The following SMCO2 variants were observed in gnomAD, a reference collection of about 807,000 sequenced individuals.
SMCO2 encodes the protein single-pass membrane protein with coiled-coil domains 2, also known as single-pass membrane and coiled-coil domain-containing protein 2.
Under a neutral mutation model 29.5 loss-of-function variants are expected in SMCO2, and 25 were observed. The ratio of observed to expected loss-of-function variants is 0.85; its 90% confidence interval spans 0.62 to 1.18. The LOEUF (loss-of-function observed/expected upper bound fraction) is 1.18. Ranked by LOEUF, SMCO2 falls within the 50% of genes most tolerant of loss-of-function variation. SMCO2 has a pLI of 0.00. For missense variants in SMCO2, 348 were observed against 344.5 expected (o/e 1.01, Z -0.08); for synonymous variants, 117 against 123.3 (o/e 0.95, Z 0.34).
At chr12:27,434,981 T>C in the SMCO2 span, among the ~76,000 whole-genome samples, 927 of 152,206 alleles carry the variant, frequency 6.1e-3, 4 homozygotes, top group African/African-American at 0.021. Context: ...CCCTGTCCTC[T>C]TGGAGACCTT....
chr12:27,462,982 C>G (rs1307500180), upstream of SMCO2, among the ~76,000 whole-genome samples: 1 of 152,142 alleles, frequency 6.6e-6, no homozygotes, highest in Admixed American at 6.5e-5. Flanking sequence ...GGCCTGGTGG[C>G]TGGCAGGTGG....
chr12:27,470,541 A>G (rs1015677045), intron 1 of SMCO2, 81 bp from the exon 2 acceptor site: 20 of 1,454,442 alleles, frequency 1.4e-5, no homozygotes, highest in Non-Finnish European at 1.8e-5. Context: ...CTGAGGAAGA[A>G]GTTAGTCTGG....
At chr12:27,459,597 G>A in the SMCO2 span, among the ~76,000 whole-genome samples, 3 of 152,112 alleles carry the variant, frequency 2.0e-5, no homozygotes, top group Non-Finnish European at 4.4e-5. Context: ...TAACAAATCT[G>A]CACATGTACC....
At chr12:27,489,426 C>T (rs780775060) in intron 5 of SMCO2, among the ~76,000 whole-genome samples, 14 of 152,054 alleles carry the variant, frequency 9.2e-5, no homozygotes, top group African/African-American at 1.7e-4. Context: ...AGTTAGATTT[C>T]GGAGTCCTGG....
At chr12:27,500,230 T>G (rs1943060731) in intron 7 of SMCO2, among the ~76,000 whole-genome samples, 1 of 150,486 alleles carries the variant, frequency 6.6e-6, no homozygotes, top group East Asian at 1.9e-4. Context: ...TTTTTAAAAC[T>G]TGTATTGACT....
the SMCO2 span, among the ~76,000 whole-genome samples, chr12:27,460,638 G>A: frequency 3.3e-5 from 5 of 152,108 alleles, no homozygotes; most frequent in Non-Finnish European, 7.4e-5. Context: ...CAGAAGAGGT[G>A]GAGGACGTGG....
At chr12:27,433,122 T>A in the SMCO2 span, among the ~76,000 whole-genome samples, 23 of 152,272 alleles carry the variant, frequency 1.5e-4, no homozygotes, top group Admixed American at 1.4e-3. Context: ...AAATGTATAA[T>A]TTTTAAAGGT....
upstream of SMCO2, among the ~76,000 whole-genome samples, chr12:27,465,916 G>A (rs982375582): frequency 2.0e-5 from 3 of 152,220 alleles, no homozygotes; most frequent in African/African-American, 7.2e-5. Flanking sequence ...AGTGTCTTAA[G>A]AGCAGGGGCT....
exon 7 of SMCO2, chr12:27,495,844 C>A (rs61997182): frequency 2.0e-6 from 3 of 1,510,844 alleles, no homozygotes; most frequent in African/African-American, 1.4e-5. Flanking sequence ...CTCCTCCCCG[C>A]AATACAGCAT....
At chr12:27,493,994 A>AG (rs1171457166) in intron 5 of SMCO2, 1 of 176,296 alleles carries the variant, frequency 5.7e-6, no homozygotes, top group African/African-American at 2.4e-5. Flanking sequence ...TCCTGGTAGA[A>AG]GTTTTTTAAG....
At chr12:27,468,728 G>A (rs904630511) in intron 1 of SMCO2, among the ~76,000 whole-genome samples, 1 of 152,208 alleles carries the variant, frequency 6.6e-6, no homozygotes, top group African/African-American at 2.4e-5. Flanking sequence ...TTTATCAGTA[G>A]CTGTGAGGAC....
At chr12:27,496,977 G>A (rs534683721) in intron 7 of SMCO2, 2 of 152,466 alleles carry the variant, frequency 1.3e-5, no homozygotes, top group East Asian at 3.9e-4. Context: ...ACCATCATAG[G>A]AGAGAGCATG....
intron 1 of SMCO2, chr12:27,467,051 T>G (rs998576111): frequency 1.3e-5 from 2 of 152,164 alleles, no homozygotes; most frequent in East Asian, 1.9e-4. Context: ...TCCCTGATTA[T>G]TAGTACCATG....
At chr12:27,493,178 G>A (rs1942950214) in intron 5 of SMCO2, among the ~76,000 whole-genome samples, 1 of 152,162 alleles carries the variant, frequency 6.6e-6, no homozygotes, top group African/African-American at 2.4e-5. Context: ...GGGTCTACTT[G>A]AGGGTGGAGG....
At chr12:27,465,897 G>A (rs1159928249), upstream of SMCO2, among the ~76,000 whole-genome samples, 2 of 152,190 alleles carry the variant, frequency 1.3e-5, no homozygotes, top group African/African-American at 2.4e-5. Context: ...TTTTTGATAG[G>A]TGAAGAGGAG....
intron 4 of SMCO2, among the ~76,000 whole-genome samples, chr12:27,483,143 T>C (rs764150575): frequency 2.0e-4 from 31 of 152,158 alleles, no homozygotes; most frequent in Non-Finnish European, 4.1e-4. Flanking sequence ...TTGAGTAGAG[T>C]AGTCTACAAA....
chr12:27,462,881 C>A (rs540424454), upstream of SMCO2, among the ~76,000 whole-genome samples: 3 of 152,228 alleles, frequency 2.0e-5, no homozygotes, highest in African/African-American at 7.2e-5. Flanking sequence ...CTCGGCGAAG[C>A]CTTTTGCTAA....
chr12:27,470,306 A>T (rs1016123163), intron 1 of SMCO2, among the ~76,000 whole-genome samples: 2 of 152,280 alleles, frequency 1.3e-5, no homozygotes, highest in African/African-American at 2.4e-5. Context: ...GAAAGCGATT[A>T]AAAAAATGAA....
At chr12:27,470,683 A>G (rs1949533787) in exon 2 of SMCO2, 1 of 1,551,168 alleles carries the variant, frequency 6.4e-7, no homozygotes, top group Non-Finnish European at 8.7e-7. Context: ...GCAGATGAAG[A>G]TGGACTGCCA....
Sources: gnomAD v4.1 joint callset for allele counts (sites outside exome capture counted in the v4.1 genomes callset) on GRCh38, gnomAD v4.1.1 for gene constraint, MANE v1.5 for transcripts, NCBI Gene and HGNC (gene_info 2026-07-23, HGNC 2026-07-21) for gene names.